MTCL1: variants seen among roughly 807,000 people sequenced by gnomAD.
MTCL1 encodes microtubule crosslinking factor 1, also known as microtubule cross-linking factor 1.
MTCL1 carries 79 observed loss-of-function variants against 141.4 expected under a neutral mutation model. That is an observed-to-expected ratio of 0.56 (90% CI 0.47 to 0.67). The LOEUF (loss-of-function observed/expected upper bound fraction) is 0.67. MTCL1 is among the 30% of genes least tolerant of loss of function. The probability of loss-of-function intolerance (pLI) is 0.00; values close to 1 mark genes in which losing one functional copy is unlikely to be tolerated. For synonymous variants in MTCL1, 914 were observed against 875.8 expected, an observed-to-expected ratio of 1.04 and a Z score of -0.77; for missense variants, 2,177 against 2,113.9, an observed-to-expected ratio of 1.03 and a Z score of -0.59.
At chr18:8,778,902 G>A (rs73396463) in intron 5 of MTCL1, among the ~76,000 whole-genome samples, 7,717 of 152,294 alleles carry the variant, frequency 0.051, 628 homozygotes, top group African/African-American at 0.17. Context: ...AGTTGCATTC[G>A]CCCTGAGGGT....
At chr18:8,709,170 T>C (rs1020971453) in intron 1 of MTCL1, among the ~76,000 whole-genome samples, 3 of 150,642 alleles carry the variant, frequency 2.0e-5, no homozygotes, top group African/African-American at 7.3e-5. Flanking sequence ...CTTTTTGTTA[T>C]TTTCAGGGGT....
intron 5 of MTCL1, 22 bp downstream of exon 4, chr18:8,777,914 A>G: frequency 1.2e-6 from 2 of 1,606,686 alleles, no homozygotes; most frequent in Non-Finnish European, 1.7e-6. Flanking sequence ...TTTTCATTCT[A>G]ATGTTACATC....
At chr18:8,723,605 T>G (rs686667) in intron 4 of MTCL1, among the ~76,000 whole-genome samples, 2 of 151,710 alleles carry the variant, frequency 1.3e-5, no homozygotes, top group East Asian at 1.9e-4. Flanking sequence ...TTTCAGCTGC[T>G]TAGTGGACAT....
At chr18:8,816,271 C>T (rs1287174179) in intron 12 of MTCL1, among the ~76,000 whole-genome samples, 1 of 152,180 alleles carries the variant, frequency 6.6e-6, no homozygotes, top group Admixed American at 6.5e-5. Context: ...CTTGGTAAGC[C>T]ATATAATATA....
intron 5 of MTCL1, among the ~76,000 whole-genome samples, chr18:8,778,660 G>A (rs376997294): frequency 9.8e-5 from 15 of 152,336 alleles, no homozygotes; most frequent in African/African-American, 3.6e-4. Flanking sequence ...TCATTCAAGG[G>A]GGGGCAGGCC....
Position 8,828,078 on chromosome 18 carries a change from G to C in MTCL1, c.4723-830G>C, listed in dbSNP as rs1476831319. Among the ~76,000 whole-genome samples the C allele has an allele frequency of 6.6e-6, 1 of 152,150 alleles. No individual in the cohort carries two copies. Among genetic ancestry groups the C allele is most frequent in the South Asian group, 2.1e-4 (1 of 4,818 alleles). On this transcript the variant is annotated intron_variant, in intron 15 of 16. Coordinates refer to ENST00000359865, the Ensembl canonical transcript of MTCL1. The surrounding 1 kb of genome is among the most constrained non-coding windows in gnomAD (Gnocchi z 5.2). Reference sequence around the variant, plus strand: ...GGAATTTTCCTCGTTCTAGATTCCAGTGGGATTGTTCTGAATTGATGTAAT... The same window carrying C: ...GGAATTTTCCTCGTTCTAGATTCCACTGGGATTGTTCTGAATTGATGTAAT...
At chr18:8,785,070 T>C (rs572788748) in intron 6 of MTCL1, among the ~76,000 whole-genome samples, 1 of 151,942 alleles carries the variant, frequency 6.6e-6, no homozygotes, top group African/African-American at 2.4e-5. Flanking sequence ...CTTTTTCCTT[T>C]CTCCTGTCTT....
At chr18:8,732,920 G>A (rs1470324332) in intron 4 of MTCL1, among the ~76,000 whole-genome samples, 1 of 152,246 alleles carries the variant, frequency 6.6e-6, no homozygotes, top group African/African-American at 2.4e-5. Context: ...CAGGAAATGG[G>A]GAGGGCATTC....
At chr18:8,831,439 A>G in intron 16 of MTCL1, 168 bp from the exon 15 acceptor site, 1 of 1,429,448 alleles carries the variant, frequency 7.0e-7, no homozygotes, top group South Asian at 1.5e-5. Flanking sequence ...TGAATTCTTT[A>G]TTATTTTAAG....
chr18:8,736,676 C>T (rs528452888), intron 4 of MTCL1, among the ~76,000 whole-genome samples: 3 of 144,424 alleles, frequency 2.1e-5, no homozygotes, highest in East Asian at 2.0e-4. Flanking sequence ...CTCGCTCTGT[C>T]GCCCAGGCTG....
chr18:8,766,164 A>C (rs553064467), intron 4 of MTCL1, among the ~76,000 whole-genome samples: 1 of 152,374 alleles, frequency 6.6e-6, no homozygotes, highest in African/African-American at 2.4e-5. Flanking sequence ...GTGTTTTAAA[A>C]GCACGCAGCG....
chr18:8,769,429 T>C (rs188467016), intron 4 of MTCL1, among the ~76,000 whole-genome samples: 40 of 152,336 alleles, frequency 2.6e-4, no homozygotes. Flanking sequence ...TTTGATTTAG[T>C]TTATTTTGCA....
intron 4 of MTCL1, among the ~76,000 whole-genome samples, chr18:8,737,462 G>T (rs1598438337): frequency 6.6e-6 from 1 of 152,328 alleles, no homozygotes; most frequent in East Asian, 1.9e-4. Flanking sequence ...GCCAGGCAGT[G>T]AGGGGCATGT....
chr18:8,746,794 C>G (rs547639279), intron 4 of MTCL1, among the ~76,000 whole-genome samples: 3 of 152,148 alleles, frequency 2.0e-5, no homozygotes, highest in Non-Finnish European at 4.4e-5. Flanking sequence ...GATTATTAAA[C>G]AGATAATTAT....
At chr18:8,817,543 A>T (rs896597263) in intron 12 of MTCL1, among the ~76,000 whole-genome samples, 2 of 152,118 alleles carry the variant, frequency 1.3e-5, no homozygotes, top group Non-Finnish European at 2.9e-5. Flanking sequence ...TTACTGTCTC[A>T]TATGGCTTTC....
At chr18:8,777,946 A>AT (rs1427126553) in intron 5 of MTCL1, 54 bp downstream of exon 4, 1 of 1,526,582 alleles carries the variant, frequency 6.6e-7, no homozygotes, top group Non-Finnish European at 9.0e-7. Flanking sequence ...AAGTCAACTC[A>AT]TTTTGAATGT....
chr18:8,758,813 A>T (rs117899345), intron 4 of MTCL1, among the ~76,000 whole-genome samples: 298 of 152,362 alleles, frequency 2.0e-3, no homozygotes, highest in Non-Finnish European at 3.7e-3. Flanking sequence ...CTATTGTTGC[A>T]AATTCTGCTG....
intron 13 of MTCL1, among the ~76,000 whole-genome samples, chr18:8,821,226 C>G (rs1362456083): frequency 3.3e-5 from 5 of 152,184 alleles, no homozygotes; most frequent in Non-Finnish European, 5.9e-5. Context: ...GTTGTTCTCA[C>G]TCATGTGGGC....
chr18:8,759,896 G>A (rs1395932586), intron 4 of MTCL1, among the ~76,000 whole-genome samples: 2 of 152,042 alleles, frequency 1.3e-5, no homozygotes, highest in Non-Finnish European at 2.9e-5. Context: ...GCGATTCCCG[G>A]TTTCTCCAGG....
Sources: allele counts gnomAD v4.1 joint callset (sites outside exome capture counted in the v4.1 genomes callset), GRCh38; gene constraint gnomAD v4.1.1; non-coding constraint Gnocchi (gnomAD v3.1); transcripts MANE v1.5; gene names NCBI Gene and HGNC (gene_info 2026-07-23, HGNC 2026-07-21).